The following ZC3H12A variants were observed in gnomAD, a reference collection of about 807,000 sequenced individuals.
ZC3H12A encodes zinc finger CCCH-type containing 12A, also known as endoribonuclease ZC3H12A.
Under a neutral mutation model 29.9 loss-of-function variants are expected in ZC3H12A, and 9 were observed. The ratio of observed to expected loss-of-function variants is 0.30; its 90% CI spans 0.18 to 0.53. The LOEUF (loss-of-function observed/expected upper bound fraction) is 0.53. Ranked by LOEUF, ZC3H12A falls within the 20% of genes least tolerant of loss-of-function variation. The pLI is 0.96. For synonymous variants in ZC3H12A, 323 were observed against 338.1 expected, an observed-to-expected ratio of 0.96 and a Z score of 0.49; for missense variants, 617 against 799.0, an observed-to-expected ratio of 0.77 and a Z score of 2.75.
At position 37,475,825 on chromosome 1, in the gene ZC3H12A, C is replaced by T; in HGVS notation, c.329C>T (p.Pro110Leu). 1 of 1,605,256 alleles carries T rather than the reference C, an allele frequency of 6.2e-7. No individual in the cohort carries two copies. Among genetic ancestry groups the T allele is most frequent in the Non-Finnish European group, 8.5e-7 (1 of 1,174,214 alleles). The change falls in exon 2 of 6, where the codon CCG becomes CTG. Residue 110 changes from proline (P) to leucine (L), a missense_variant. Transcript: ENST00000373087. The surrounding 1 kb of genome is among the most constrained non-coding windows in gnomAD (Gnocchi z 5.2). Reference protein sequence around the residue: ...PDPCPQLPLVPRGGGTPKAPN... With the variant: ...PDPCPQLPLVLRGGGTPKAPN... ...CCCTGCCCTCAGCTCCCTCTAGTCCCGCGGGGTGGTGGCACCCCTAAGGCT... is the reference window on the plus strand; with the variant it reads ...CCCTGCCCTCAGCTCCCTCTAGTCCTGCGGGGTGGTGGCACCCCTAAGGCT...
chr1:37,475,958 G>A lies in ZC3H12A; in HGVS notation c.443+19G>A. 5 of 1,495,406 alleles carry A rather than the reference G, an allele frequency of 3.3e-6. No individual in the cohort carries two copies. The highest frequency in any genetic ancestry group is 4.4e-6 in the Non-Finnish European group (5 of 1,129,460). 92.6% of individuals were successfully genotyped at this position (1,495,406 alleles called of 1,614,324 possible). On this transcript the variant is annotated intron_variant, in intron 2 of 5. Transcript: ENST00000373087. The surrounding 1 kb of genome is among the most constrained non-coding windows in gnomAD (Gnocchi z 5.2). ...CCATGAGGTAAGTGTCACTTCTGTG[G>A]CCAGGACACATGAGGTTCGCATCTC... is the stretch of plus-strand genomic sequence containing the variant.
rs1641595003 is a variant in ZC3H12A at position 37,476,568 on chromosome 1, ACT to A, written c.443+631_443+632del. On this transcript the variant is annotated intron_variant, in intron 2 of 5. Coordinates refer to ENST00000373087, the MANE Select transcript of ZC3H12A (RefSeq NM_025079.3). This position sits in a 1 kb window ranked among gnomAD's most constrained non-coding sequence, Gnocchi z 6.0. ...CGAGCTGCAACTTGGATCCCTACTGACTCAGCTGAAGCAGCCTGGGCTGGACC... is the reference window on the plus strand; with the variant it reads ...CGAGCTGCAACTTGGATCCCTACTGACAGCTGAAGCAGCCTGGGCTGGACC... Among the ~76,000 whole-genome samples, 1 of 152,022 alleles carries A rather than the reference ACT, an allele frequency of 6.6e-6. No individual in the cohort carries two copies. Among genetic ancestry groups the A allele is most frequent in the East Asian group, 1.9e-4 (1 of 5,190 alleles).
Position 37,482,546 on chromosome 1 carries a change from G to A in ZC3H12A, c.925+6G>A. On this transcript the variant is annotated splice_donor_region_variant and intron_variant, in intron 5 of 5. Transcript: ENST00000373087. Reference sequence around the variant, plus strand: ...GAAGCAGCCGTGTCCCTATGGTATGGAACCCAGCCTGCCCTCCCCGGCCCT... The same window carrying A: ...GAAGCAGCCGTGTCCCTATGGTATGAAACCCAGCCTGCCCTCCCCGGCCCT... The A allele has an allele frequency of 6.2e-7, 1 of 1,614,058 alleles. No homozygotes were observed. Among genetic ancestry groups the A allele is most frequent in the South Asian group, 1.1e-5 (1 of 91,080 alleles).
chr1:37,481,838 A>G lies in ZC3H12A; in HGVS notation c.818+3A>G, dbSNP rs1366549150. The G allele has an allele frequency of 3.7e-6, 6 of 1,612,404 alleles. No individual in the cohort carries two copies. Among genetic ancestry groups the G allele is most frequent in the African/African-American group, 1.3e-5 (1 of 74,872 alleles). On this transcript the variant is annotated splice_donor_region_variant and intron_variant, in intron 4 of 5. Coordinates refer to ENST00000373087, the MANE Select transcript of ZC3H12A (RefSeq NM_025079.3). ...ATGTACTCCTTCGTCAATGACAAGTATGTTCCCTCCCAGAGGCCCTGACAG... is the reference window on the plus strand; with the variant it reads ...ATGTACTCCTTCGTCAATGACAAGTGTGTTCCCTCCCAGAGGCCCTGACAG...
In ZC3H12A at chr1:37,475,887, G is replaced by A; in HGVS notation, c.391G>A (p.Glu131Lys). The A allele has an allele frequency of 6.5e-7, 1 of 1,540,530 alleles. No individual in the cohort carries two copies. Among genetic ancestry groups the A allele is most frequent in the Non-Finnish European group, 8.7e-7 (1 of 1,146,366 alleles). The part of the protein sequence containing the change: ...LEPPLPEEEK[E>K]GSDLRPVVID... ...GCCTCCACTCCCAGAAGAGGAAAAGGAGGGCAGCGACCTGAGACCAGTGGT... is the reference window on the plus strand; with the variant it reads ...GCCTCCACTCCCAGAAGAGGAAAAGAAGGGCAGCGACCTGAGACCAGTGGT... Residue 131 changes from glutamate to lysine, a missense_variant, in exon 2 of 6, where the codon GAG (glutamate) becomes AAG (lysine). Physicochemically the swap from Glu to Lys is moderately conservative, Grantham distance 56. Coordinates refer to ENST00000373087, the MANE Select transcript of ZC3H12A (RefSeq NM_025079.3). The surrounding 1 kb of genome is among the most constrained non-coding windows in gnomAD (Gnocchi z 5.2).
Position 37,483,385 on chromosome 1 carries a change from C to G in ZC3H12A, c.1574C>G (p.Thr525Arg), listed in dbSNP as rs750226631. ...WSEPYPLPPP[T>R]SVLQEPPVQS... ...GAACCATACCCACTGCCCCCACCCA[C>G]ATCAGTCCTTCAGGAGCCCCCAGTG... The change falls in exon 6 of 6, where the codon ACA becomes AGA. Residue 525 changes from threonine to arginine, a missense_variant. Around this residue, in one of 5 missense-constraint regions of ZC3H12A, gnomAD observed 172 missense variants for 203.1 expected, o/e 0.85. Coordinates refer to ENST00000373087, the MANE Select transcript of ZC3H12A (RefSeq NM_025079.3). 6.2e-7 allele frequency: 1 copy of G among 1,613,988 alleles called. No individual in the cohort carries two copies. Among genetic ancestry groups the G allele is most frequent in the Non-Finnish European group, 8.5e-7 (1 of 1,179,990 alleles).
Position 37,483,483 on chromosome 1 carries a change from A to C in ZC3H12A, c.1672A>C (p.Thr558Pro), listed in dbSNP as rs1419885296. 6.2e-7 allele frequency: 1 copy of C among 1,614,012 alleles called. No homozygotes were observed. The highest frequency in any genetic ancestry group is 1.1e-5 in the South Asian group (1 of 91,088). The change falls in exon 6 of 6, where the codon ACT (threonine) becomes CCT (proline). Residue 558 changes from threonine (T) to proline (P), a missense_variant. Thr to Pro is a conservative substitution (Grantham distance 38). This residue lies in a region of ZC3H12A where 172 missense variants were observed against 203.1 expected (regional missense o/e 0.85). Coordinates refer to ENST00000373087, the MANE Select transcript of ZC3H12A (RefSeq NM_025079.3). ...SLAKEQASVY[T>P]KLCGVFPPHL... ...GGCCAAGGAGCAGGCCAGCGTGTAT[A>C]CTAAGCTGTGTGGTGTGTTTCCCCC...
chr1:37,476,960 C>T lies in ZC3H12A; in HGVS notation c.443+1021C>T, dbSNP rs1641604513. Among the ~76,000 whole-genome samples the T allele has an allele frequency of 6.6e-6, 1 of 152,212 alleles. No homozygotes were observed. The highest frequency in any genetic ancestry group is 1.5e-5 in the Non-Finnish European group (1 of 68,030). ...GGCTGGCATGACATCAGCCTCTGCCCTCCCTAATTTGTGGCCCCTGTGGGA... is the reference window on the plus strand; with the variant it reads ...GGCTGGCATGACATCAGCCTCTGCCTTCCCTAATTTGTGGCCCCTGTGGGA... On this transcript the variant is annotated intron_variant, in intron 2 of 5. Transcript: ENST00000373087. The surrounding 1 kb of genome is among the most constrained non-coding windows in gnomAD (Gnocchi z 6.0).
In ZC3H12A at chr1:37,482,867, C is replaced by T. The variant is rs140634255; in HGVS notation, c.1056C>T (p.Asp352=). The part of the protein sequence containing the change: ...LLSPPRAPSK[D]KNGRRPSPSS... ...CACCCCCCAGAGCCCCAAGCAAGGA[C>T]AAAAATGGCCGGCGGCCTTCACCTT... The change falls in exon 6 of 6, where the codon GAC becomes GAT. Residue 352 remains aspartate (D), a synonymous_variant. Transcript: ENST00000373087. 22 of 1,613,834 alleles carry T rather than the reference C, an allele frequency of 1.4e-5. No individual in the cohort carries two copies. Among genetic ancestry groups the T allele is most frequent in the Non-Finnish European group, 1.8e-5 (21 of 1,180,034 alleles).
In ZC3H12A at chr1:37,475,476, G is replaced by A. The variant is rs770080628; in HGVS notation, c.-21G>A. 3.8e-6 allele frequency: 6 copies of A among 1,579,026 alleles called. No homozygotes were observed. The highest frequency in any genetic ancestry group is 1.7e-5 in the Admixed American group (1 of 57,174). ...TTGTTCAGTAGGAGCTGTGGCGCGG[G>A]GCCTTCCAGGAGTCTGAGCTATGAG... On this transcript the variant is annotated 5_prime_UTR_variant, in exon 2 of 6. Transcript: ENST00000373087. The surrounding 1 kb of genome is among the most constrained non-coding windows in gnomAD (Gnocchi z 5.2).
At chr1:37,477,349 G>C (rs1439697751) in intron 2 of ZC3H12A, among the ~76,000 whole-genome samples, 1 of 152,168 alleles carries the variant, frequency 6.6e-6, no homozygotes, top group Non-Finnish European at 1.5e-5. Flanking sequence ...GTGATGAGGG[G>C]TGCTCAGAGG....
Position 37,482,508 on chromosome 1 carries a change from C to T in ZC3H12A, c.893C>T (p.Thr298Ile), listed in dbSNP as rs772487006. 2.5e-6 allele frequency: 4 copies of T among 1,614,034 alleles called. No individual in the cohort carries two copies. The African/African-American group carries it at 4.0e-5, about 16-fold the overall frequency. Reference sequence around the variant, plus strand: ...AACTTCCTGCGTAAGAAGCCACTCACTTTGGAGCACAGGAAGCAGCCGTGT... The same window carrying T: ...AACTTCCTGCGTAAGAAGCCACTCATTTTGGAGCACAGGAAGCAGCCGTGT... ...LDNFLRKKPL[T>I]LEHRKQPCPY... Residue 298 changes from threonine to isoleucine, a missense_variant, in exon 5 of 6, where the codon ACT (threonine) becomes ATT (isoleucine). By Grantham distance (89) the Thr-to-Ile change is moderately conservative. Transcript: ENST00000373087.
rs1298204340 is a variant in ZC3H12A, at chr1:37,476,812, G to T, written c.443+873G>T. Among the ~76,000 whole-genome samples the T allele has an allele frequency of 1.3e-5, 2 of 152,262 alleles. No individual in the cohort carries two copies. The highest frequency in any genetic ancestry group is 4.8e-5 in the African/African-American group (2 of 41,474). On this transcript the variant is annotated intron_variant, in intron 2 of 5. Coordinates refer to ENST00000373087, the MANE Select transcript of ZC3H12A (RefSeq NM_025079.3). The surrounding 1 kb of genome is among the most constrained non-coding windows in gnomAD (Gnocchi z 6.0). ...CCCTCCAAGGCAGGCTGATGAGTCAGTGCTGGGTGGATGGCTCACAGGGAA... is the reference window on the plus strand; with the variant it reads ...CCCTCCAAGGCAGGCTGATGAGTCATTGCTGGGTGGATGGCTCACAGGGAA...
Position 37,482,543 on chromosome 1 carries a change from A to G in ZC3H12A, c.925+3A>G, listed in dbSNP as rs1171844493. ...CAGGAAGCAGCCGTGTCCCTATGGT[A>G]TGGAACCCAGCCTGCCCTCCCCGGC... On this transcript the variant is annotated splice_donor_region_variant and intron_variant, in intron 5 of 5. Coordinates refer to ENST00000373087, the MANE Select transcript of ZC3H12A (RefSeq NM_025079.3). 2.5e-6 allele frequency: 4 copies of G among 1,613,996 alleles called. No homozygotes were observed. Among genetic ancestry groups the G allele is most frequent in the Middle Eastern group, 3.3e-4 (2 of 6,062 alleles).
chr1:37,475,555 G>T lies in ZC3H12A; in HGVS notation c.59G>T (p.Trp20Leu). 1 of 1,613,796 alleles carries T rather than the reference G, an allele frequency of 6.2e-7. No homozygotes were observed. The highest frequency in any genetic ancestry group is 1.1e-5 in the South Asian group (1 of 91,076). The change falls in exon 2 of 6, where the codon TGG (tryptophan) becomes TTG (leucine). Residue 20 changes from tryptophan to leucine, a missense_variant. Around this residue, in one of 5 missense-constraint regions of ZC3H12A, gnomAD observed 67 missense variants for 56.2 expected, o/e 1.19. Coordinates refer to ENST00000373087, the MANE Select transcript of ZC3H12A (RefSeq NM_025079.3). This position sits in a 1 kb window ranked among gnomAD's most constrained non-coding sequence, Gnocchi z 5.2. ...VLEASPTMSLWEFEDSHSRQG... is the reference protein window; with the variant it reads ...VLEASPTMSLLEFEDSHSRQG... The stretch of plus-strand genomic sequence containing the variant: ...GAAGCCAGCCCCACCATGAGTCTGT[G>T]GGAATTTGAGGACAGCCACAGCCGT...
chr1:37,482,247 G>A (rs996635236), intron 4 of ZC3H12A, 187 bp from the exon 5 acceptor site: 20 of 607,514 alleles, frequency 3.3e-5, no homozygotes, highest in African/African-American at 2.0e-4. Context: ...CCTCTAGACC[G>A]GGGATCCCTT....
chr1:37,481,196 A>G (rs1641694348), intron 3 of ZC3H12A, among the ~76,000 whole-genome samples: 1 of 152,142 alleles, frequency 6.6e-6, no homozygotes, highest in Non-Finnish European at 1.5e-5. Context: ...TGTCCTGGCA[A>G]TGCAAGGGAC....
rs1569926672 is a variant in ZC3H12A at position 37,481,781 on chromosome 1, A to G, written c.764A>G (p.Glu255Gly). ...CGTGACCTCCAAGGCGAGCGGCAGG[A>G]GTGGAAGCGCTTCATCGAGGAGCGG... ...TYRDLQGERQEWKRFIEERLL... is the reference protein window; with the variant it reads ...TYRDLQGERQGWKRFIEERLL... Residue 255 changes from glutamate to glycine, a missense_variant, in exon 4 of 6, where the codon GAG (glutamate) becomes GGG (glycine). Glu to Gly is a moderately conservative substitution (Grantham distance 98). Coordinates refer to ENST00000373087, the MANE Select transcript of ZC3H12A (RefSeq NM_025079.3). 2 of 1,614,182 alleles carry G rather than the reference A, an allele frequency of 1.2e-6. No homozygotes were observed. The highest frequency in any genetic ancestry group is 1.7e-6 in the Non-Finnish European group (2 of 1,180,032).
rs1641657653 is a variant in ZC3H12A, at chr1:37,479,559, G to T, written c.444-731G>T. ...TCTGCCTTGGGGTGAAGAGGCATTT[G>T]GGGGAATTGCCATCTTGGGAGGAAA... On this transcript the variant is annotated intron_variant, in intron 2 of 5. Coordinates refer to ENST00000373087, the MANE Select transcript of ZC3H12A (RefSeq NM_025079.3). This position sits in a 1 kb window ranked among gnomAD's most constrained non-coding sequence, Gnocchi z 4.5. 3 of 985,290 alleles carry T rather than the reference G, an allele frequency of 3.0e-6. No homozygotes were observed. Among genetic ancestry groups the T allele is most frequent in the Non-Finnish European group, 3.6e-6 (3 of 829,934 alleles). The allele number at this position is 985,290 out of a possible 1,614,324, so 61.0% of individuals were successfully genotyped here.
Sources: allele counts gnomAD v4.1 joint callset (sites outside exome capture counted in the v4.1 genomes callset), GRCh38; gene constraint gnomAD v4.1.1; regional missense constraint gnomAD v4.1.1; non-coding constraint Gnocchi (gnomAD v3.1); transcripts MANE v1.5; gene names NCBI Gene and HGNC (gene_info 2026-07-23, HGNC 2026-07-21).